The following DYNC2H1 variants were observed in gnomAD, a reference collection of about 807,000 sequenced individuals.
DYNC2H1 encodes the protein dynein cytoplasmic 2 heavy chain 1.
DYNC2H1 carries 410 observed loss-of-function variants against 570.0 expected under a neutral mutation model. That is an observed-to-expected ratio of 0.72 (90% CI 0.66 to 0.78). The LOEUF (loss-of-function observed/expected upper bound fraction) is 0.78. DYNC2H1 is among the 30% of genes least tolerant of loss of function. DYNC2H1 has a pLI of 0.00. For synonymous variants in DYNC2H1, 1,688 were observed against 1,677.6 expected (o/e 1.01, Z -0.15); for missense variants, 4,865 against 5,046.4 (o/e 0.96, Z 1.09).
chr11:103,327,687 T>G (rs1162248732), intron 82 of DYNC2H1, among the ~76,000 whole-genome samples: 2 of 152,164 alleles, frequency 1.3e-5, no homozygotes, highest in African/African-American at 4.8e-5. Context: ...ATACAGAATG[T>G]TCAGCATCTT....
rs1407690080 is a variant in DYNC2H1 at position 103,479,371 on chromosome 11, AT to A, written c.*119del. On this transcript the variant is annotated 3_prime_UTR_variant, in exon 89 of 89. Coordinates refer to ENST00000375735, the MANE Select transcript of DYNC2H1 (RefSeq NM_001377.3). ...TAGTTCAAAATATTAACATATAGTTATGTTGTTGATGTCACTGAAATTTTAA... is the reference window on the plus strand; with the variant it reads ...TAGTTCAAAATATTAACATATAGTTAGTTGTTGATGTCACTGAAATTTTAA... The A allele has an allele frequency of 2.6e-6, 3 of 1,166,906 alleles. No individual in the cohort carries two copies. Among genetic ancestry groups the A allele is most frequent in the Non-Finnish European group, 3.4e-6 (3 of 879,170 alleles). The allele number at this position is 1,166,906 out of a possible 1,614,324, so 72.3% of individuals were successfully genotyped here.
At chr11:103,413,361 A>ATTACCTCATGTTT in intron 84 of DYNC2H1, among the ~76,000 whole-genome samples, 1 of 152,064 alleles carries the variant, frequency 6.6e-6, no homozygotes, top group East Asian at 1.9e-4. Context: ...CATTTAAGGT[A>ATTACCTCATGTTT]TTACCTCATG....
intron 13 of DYNC2H1, among the ~76,000 whole-genome samples, chr11:103,131,951 T>C (rs1401981683): frequency 1.3e-5 from 2 of 152,064 alleles, no homozygotes; most frequent in African/African-American, 4.8e-5. Flanking sequence ...TTTACTCAGC[T>C]TCTTGAATCT....
rs1449719245 is a variant in DYNC2H1, at chr11:103,152,230, A to G, written c.3041A>G (p.Lys1014Arg). 3.1e-6 allele frequency: 5 copies of G among 1,609,678 alleles called. No homozygotes were observed. The highest frequency in any genetic ancestry group is 4.2e-6 in the Non-Finnish European group (5 of 1,178,476). The change falls in exon 21 of 89, where the codon AAG (lysine) becomes AGG (arginine). Residue 1014 changes from lysine to arginine, a missense_variant. Lys to Arg is a conservative substitution (Grantham distance 26, BLOSUM62 2). Around this residue, in one of 5 missense-constraint regions of DYNC2H1, gnomAD observed 1,936 missense variants for 1,962.1 expected, o/e 0.99. Transcript: ENST00000375735. ...GLETISNLKA[K>R]WDKFELMMES... is the part of the protein sequence containing the mutation. ...GAAACAATTAGTAATTTGAAAGCCA[A>G]GTGGGATAAATTTGAGTTAATGATG...
At chr11:103,390,160 C>G (rs1348087785) in intron 83 of DYNC2H1, among the ~76,000 whole-genome samples, 10 of 151,978 alleles carry the variant, frequency 6.6e-5, no homozygotes, top group African/African-American at 2.2e-4. Flanking sequence ...CTAAGGACTT[C>G]CTTTATGAAT....
intron 32 of DYNC2H1, among the ~76,000 whole-genome samples, chr11:103,169,507 A>G (rs1042501093): frequency 6.6e-6 from 1 of 152,138 alleles, no homozygotes; most frequent in Non-Finnish European, 1.5e-5. Flanking sequence ...AACCTATGTT[A>G]GGAGAGCTGC....
intron 83 of DYNC2H1, among the ~76,000 whole-genome samples, chr11:103,370,485 A>G (rs898649060): frequency 1.3e-5 from 2 of 152,156 alleles, no homozygotes; most frequent in Admixed American, 1.3e-4. Context: ...CATAGGCCAT[A>G]GCCAAGGAGT....
intron 83 of DYNC2H1, among the ~76,000 whole-genome samples, chr11:103,358,961 A>C (rs986533774): frequency 1.3e-5 from 2 of 152,208 alleles, no homozygotes; most frequent in Non-Finnish European, 2.9e-5. Flanking sequence ...AGTAACCTTA[A>C]TTATTGCAAA....
intron 85 of DYNC2H1, among the ~76,000 whole-genome samples, chr11:103,441,540 G>T (rs889161482): frequency 2.9e-4 from 44 of 151,960 alleles, no homozygotes; most frequent in African/African-American, 9.9e-4. Flanking sequence ...ATCCAAGCAT[G>T]TAGACAGTAA....
In DYNC2H1 at chr11:103,170,419, A is replaced by C; in HGVS notation, c.5151+129A>C. The C allele has an allele frequency of 1.0e-6, 1 of 1,000,554 alleles. No homozygotes were observed. Among genetic ancestry groups the C allele is most frequent in the Non-Finnish European group, 1.4e-6 (1 of 723,300 alleles). 62.0% of individuals were successfully genotyped at this position (1,000,554 alleles called of 1,614,324 possible). On this transcript the variant is annotated intron_variant, in intron 33 of 88. Coordinates refer to ENST00000375735, the MANE Select transcript of DYNC2H1 (RefSeq NM_001377.3). This position sits in a 1 kb window ranked among gnomAD's most constrained non-coding sequence, Gnocchi z 4.8. Reference sequence around the variant, plus strand: ...TTAGTTGAAGACAGAATTTGTTTAAATTGAAATGTAAAATGGACAGAGGTT... The same window carrying C: ...TTAGTTGAAGACAGAATTTGTTTAACTTGAAATGTAAAATGGACAGAGGTT...
chr11:103,347,989 T>G (rs1939835821), intron 82 of DYNC2H1, among the ~76,000 whole-genome samples: 1 of 152,102 alleles, frequency 6.6e-6, no homozygotes. Context: ...TGCCTAGTGA[T>G]AGGGGAGGAA....
chr11:103,282,936 C>T lies in DYNC2H1; in HGVS notation c.10813-72C>T, dbSNP rs894998643. On this transcript the variant is annotated intron_variant, in intron 72 of 88. Transcript: ENST00000375735. ...AATTTTTTTCAAAATAATAAAATAG[C>T]TAATCAATTGCTATTTTTTAAACTC... is the stretch of plus-strand genomic sequence containing the variant. The T allele has an allele frequency of 4.7e-6, 5 of 1,061,100 alleles. No individual in the cohort carries two copies. In the African/African-American group the frequency reaches 8.1e-5, roughly 17 times the overall value. 65.7% of individuals were successfully genotyped at this position (1,061,100 alleles called of 1,614,324 possible).
At chr11:103,304,537 T>C (rs1482191045) in intron 76 of DYNC2H1, 58 bp from the exon 77 acceptor site, 4 of 1,563,886 alleles carry the variant, frequency 2.6e-6, no homozygotes, top group South Asian at 1.2e-5. Flanking sequence ...CATACTGTTA[T>C]ATTACAACAT....
At position 103,470,685 on chromosome 11, in the gene DYNC2H1, G is replaced by C. The variant is rs11225818; in HGVS notation, c.12765+1980G>C. The stretch of plus-strand genomic sequence containing the variant: ...GTGGTGTTTGGTTTTATGTCCTTGC[G>C]ATAGTTTGCTGAGAATGATGGTTTC... On this transcript the variant is annotated intron_variant, in intron 88 of 88. Coordinates refer to ENST00000375735, the MANE Select transcript of DYNC2H1 (RefSeq NM_001377.3). 7.4e-3 allele frequency among the ~76,000 whole-genome samples: 1,130 copies of C among 152,184 alleles called. 8 individuals carry two copies. Among genetic ancestry groups the C allele is most frequent in the South Asian group, 0.025 (119 of 4,810 alleles).
intron 59 of DYNC2H1, among the ~76,000 whole-genome samples, chr11:103,227,872 G>A (rs1863859421): frequency 6.6e-6 from 1 of 152,072 alleles, no homozygotes; most frequent in South Asian, 2.1e-4. Context: ...GCCATTGTTA[G>A]GTGCATATAT....
chr11:103,130,035 A>C (rs1295390382), intron 13 of DYNC2H1, among the ~76,000 whole-genome samples: 1 of 152,166 alleles, frequency 6.6e-6, no homozygotes, highest in African/African-American at 2.4e-5. Flanking sequence ...AGTCCCAAGA[A>C]AACAGGTACG....
chr11:103,385,405 TC>T (rs1941829963), intron 83 of DYNC2H1, among the ~76,000 whole-genome samples: 1 of 151,736 alleles, frequency 6.6e-6, no homozygotes, highest in African/African-American at 2.4e-5. Context: ...AGAACTGTCT[TC>T]TGGTTCACTG....
At chr11:103,125,347 A>G in intron 12 of DYNC2H1, 52 bp downstream of exon 12, 1 of 1,389,308 alleles carries the variant, frequency 7.2e-7, no homozygotes, top group Admixed American at 2.5e-5. Context: ...CATTACGTTA[A>G]ACTAGAATAT....
intron 84 of DYNC2H1, among the ~76,000 whole-genome samples, chr11:103,435,009 T>C (rs1944012459): frequency 6.6e-6 from 1 of 152,056 alleles, no homozygotes; most frequent in Non-Finnish European, 1.5e-5. Flanking sequence ...TGTCAAAGGA[T>C]TTGCAGTTGT....
Sources: allele counts gnomAD v4.1 joint callset (sites outside exome capture counted in the v4.1 genomes callset), GRCh38; gene constraint gnomAD v4.1.1; regional missense constraint gnomAD v4.1.1; non-coding constraint Gnocchi (gnomAD v3.1); transcripts MANE v1.5; gene names NCBI Gene and HGNC (gene_info 2026-07-23, HGNC 2026-07-21).